MB21D2: variants seen among roughly 807,000 people sequenced by gnomAD.
MB21D2 encodes Mab-21 domain containing 2.
MB21D2 carries 9 observed loss-of-function variants against 33.3 expected under a neutral mutation model. The ratio of observed to expected loss-of-function variants is 0.27; its 90% CI spans 0.16 to 0.47. The LOEUF (loss-of-function observed/expected upper bound fraction) is 0.47. MB21D2 is among the 20% of genes least tolerant of loss of function. The probability of loss-of-function intolerance (pLI) is 0.99; values close to 1 mark genes in which losing one functional copy is unlikely to be tolerated. For synonymous variants in MB21D2, 241 were observed against 236.3 expected, an observed-to-expected ratio of 1.02 and a Z score of -0.18; for missense variants, 540 against 624.6, an observed-to-expected ratio of 0.86 and a Z score of 1.44.
At chr3:192,870,101 G>A (rs1713257656) in intron 1 of MB21D2, among the ~76,000 whole-genome samples, 1 of 152,100 alleles carries the variant, frequency 6.6e-6, no homozygotes, top group Non-Finnish European at 1.5e-5. Flanking sequence ...GATGCTCTTG[G>A]CCCACGACTG....
chr3:192,849,966 C>T (rs1328338528), intron 1 of MB21D2, among the ~76,000 whole-genome samples: 5 of 151,066 alleles, frequency 3.3e-5, no homozygotes, highest in Admixed American at 1.3e-4. Context: ...TCACCCAGGC[C>T]GGAGTGCAGT....
At chr3:192,840,294 A>T (rs950849583) in intron 1 of MB21D2, among the ~76,000 whole-genome samples, 11 of 152,178 alleles carry the variant, frequency 7.2e-5, no homozygotes, top group African/African-American at 2.4e-4. Flanking sequence ...CACATTTTCA[A>T]AGTCAACCAA....
At chr3:192,805,994 T>A (rs1324119566) in intron 1 of MB21D2, among the ~76,000 whole-genome samples, 1 of 152,220 alleles carries the variant, frequency 6.6e-6, no homozygotes, top group Admixed American at 6.5e-5. Context: ...GGGAAATGAA[T>A]GAAGTATTCT....
chr3:192,834,030 C>A (rs1440128031), intron 1 of MB21D2, among the ~76,000 whole-genome samples: 1 of 152,184 alleles, frequency 6.6e-6, no homozygotes, highest in Non-Finnish European at 1.5e-5. Context: ...GATCTCAGTT[C>A]ATTCATCTTT....
At chr3:192,827,644 G>T (rs1444316241) in intron 1 of MB21D2, among the ~76,000 whole-genome samples, 1 of 152,052 alleles carries the variant, frequency 6.6e-6, no homozygotes, top group Non-Finnish European at 1.5e-5. Context: ...CTAAAACCAG[G>T]TCTCGCTCAT....
chr3:192,873,792 T>C (rs1713370830), intron 1 of MB21D2, among the ~76,000 whole-genome samples: 1 of 152,166 alleles, frequency 6.6e-6, no homozygotes, highest in East Asian at 1.9e-4. Context: ...AACCTCTGCC[T>C]CTCGGGTTCA....
At chr3:192,853,509 G>A (rs1577184165) in intron 1 of MB21D2, among the ~76,000 whole-genome samples, 1 of 152,196 alleles carries the variant, frequency 6.6e-6, no homozygotes, top group South Asian at 2.1e-4. Context: ...CAGCAGTGGT[G>A]TTCCCACCTG....
chr3:192,909,918 CAG>C (rs200456854), intron 1 of MB21D2, among the ~76,000 whole-genome samples: 4,050 of 105,606 alleles, frequency 0.038, 225 homozygotes, highest in African/African-American at 0.14. Context: ...GCCTGAGTGA[CAG>C]AGCAAGACTC....
In MB21D2 at chr3:192,917,774, G is replaced by A. The variant is rs769317424; in HGVS notation, c.67C>T (p.Pro23Ser). The change falls in exon 1 of 2, where the codon CCG (proline) becomes TCG (serine). Residue 23 changes from proline to serine, a missense_variant. Pro to Ser is a moderately conservative substitution (Grantham distance 74). Coordinates refer to ENST00000392452, the MANE Select transcript of MB21D2 (RefSeq NM_178496.4). Reference sequence around the variant, plus strand: ...GCTCCCGACCTGAAATCCAGCTCCGGGAACGCAGGCTTGTTGTTACAGCCC... The same window carrying A: ...GCTCCCGACCTGAAATCCAGCTCCGAGAACGCAGGCTTGTTGTTACAGCCC... ...SLGCNNKPAF[P>S]ELDFRSGARV... The A allele has an allele frequency of 3.7e-6, 6 of 1,613,738 alleles. No individual in the cohort carries two copies. Among genetic ancestry groups the A allele is most frequent in the Non-Finnish European group, 5.1e-6 (6 of 1,180,046 alleles).
chr3:192,799,599 A>G lies in MB21D2; in HGVS notation c.263T>C (p.Leu88Ser), dbSNP rs1232879872. The change falls in exon 2 of 2, where the codon TTG becomes TCG. Residue 88 changes from leucine (L) to serine (S), a missense_variant. Transcript: ENST00000392452. This position sits in a 1 kb window ranked among gnomAD's most constrained non-coding sequence, Gnocchi z 4.1. The stretch of plus-strand genomic sequence containing the variant: ...GCCTTCCCGGACACCTCCAGAGAGC[A>G]ACAGGTATTCATTAGCCACTGGAAG... ...QKLPVANEYL[L>S]LSGGVREGVV... 6.2e-7 allele frequency: 1 copy of G among 1,614,092 alleles called. No individual in the cohort carries two copies. The highest frequency in any genetic ancestry group is 1.7e-5 in the Admixed American group (1 of 60,010).
At chr3:192,899,115 A>C (rs1714039506) in intron 1 of MB21D2, among the ~76,000 whole-genome samples, 2 of 152,238 alleles carry the variant, frequency 1.3e-5, no homozygotes, top group South Asian at 4.1e-4. Flanking sequence ...AGTACCTCAC[A>C]TGGTGCCTAT....
At chr3:192,825,063 G>A (rs1478250006) in intron 1 of MB21D2, among the ~76,000 whole-genome samples, 1 of 152,116 alleles carries the variant, frequency 6.6e-6, no homozygotes, top group Non-Finnish European at 1.5e-5. Context: ...CCCAAGAATA[G>A]CCCCAATATA....
chr3:192,841,033 A>AAGAGACTGGAG (rs1712560021), intron 1 of MB21D2, among the ~76,000 whole-genome samples: 1 of 152,228 alleles, frequency 6.6e-6, no homozygotes, highest in African/African-American at 2.4e-5. Flanking sequence ...TCTGTCACAT[A>AAGAGACTGGAG]GTAGTTGACT....
chr3:192,894,911 T>C (rs566532382), intron 1 of MB21D2, among the ~76,000 whole-genome samples: 2 of 152,302 alleles, frequency 1.3e-5, no homozygotes, highest in Admixed American at 6.5e-5. Flanking sequence ...AAGACAAACA[T>C]TGATAAAGAA....
At chr3:192,813,437 T>C (rs1366654083) in intron 1 of MB21D2, among the ~76,000 whole-genome samples, 1 of 151,874 alleles carries the variant, frequency 6.6e-6, no homozygotes, top group East Asian at 1.9e-4. Context: ...TGACTATAAG[T>C]GAATAAATAC....
At chr3:192,910,448 A>G (rs998845) in intron 1 of MB21D2, among the ~76,000 whole-genome samples, 93,390 of 151,976 alleles carry the variant, frequency 0.61, 29,259 homozygotes, top group African/African-American at 0.71. Context: ...ATTGCACTCC[A>G]GCCTGGGCAA....
intron 1 of MB21D2, among the ~76,000 whole-genome samples, chr3:192,873,649 G>T (rs1179207361): frequency 1.3e-5 from 2 of 152,118 alleles, no homozygotes; most frequent in African/African-American, 4.8e-5. Flanking sequence ...CGCTGTCCTC[G>T]TCTGGGAGCT....
At chr3:192,897,610 A>G (rs1321631201) in intron 1 of MB21D2, among the ~76,000 whole-genome samples, 1 of 152,236 alleles carries the variant, frequency 6.6e-6, no homozygotes, top group East Asian at 1.9e-4. Flanking sequence ...AAAATTTTAA[A>G]AACAGCATGT....
At chr3:192,914,467 G>C (rs906851547) in intron 1 of MB21D2, among the ~76,000 whole-genome samples, 3 of 152,084 alleles carry the variant, frequency 2.0e-5, no homozygotes, top group African/African-American at 7.2e-5. Context: ...AACCTCACCA[G>C]GGAATGAAGA....
Sources: allele counts gnomAD v4.1 joint callset (sites outside exome capture counted in the v4.1 genomes callset), GRCh38; gene constraint gnomAD v4.1.1; non-coding constraint Gnocchi (gnomAD v3.1); transcripts MANE v1.5; gene names NCBI Gene and HGNC (gene_info 2026-07-23, HGNC 2026-07-21).